ZC3H12A: variants seen among roughly 807,000 people sequenced by gnomAD.
ZC3H12A encodes the protein zinc finger CCCH-type containing 12A.
A neutral mutation model predicts 29.9 loss-of-function variants in ZC3H12A; 9 were observed. The ratio of observed to expected loss-of-function variants is 0.30; its 90% CI spans 0.18 to 0.53. The LOEUF (loss-of-function observed/expected upper bound fraction) is 0.53, where lower values mean the gene tolerates loss of function less well. ZC3H12A is among the 20% of genes least tolerant of loss of function. The pLI is 0.96. For synonymous variants in ZC3H12A, 323 were observed against 338.1 expected (o/e 0.96, Z 0.49); for missense variants, 617 against 799.0 (o/e 0.77, Z 2.75).
Position 37,475,716 on chromosome 1 carries a change from G to T in ZC3H12A, c.220G>T (p.Val74Phe). ...CCACAGCGTCCTGCAGAAGCTGGGC[G>T]TCCAGGCAGACACCAACACGGTGCT... ...EIHSVLQKLG[V>F]QADTNTVLGE... The change falls in exon 2 of 6, where the codon GTC becomes TTC. Residue 74 changes from valine (V) to phenylalanine (F), a missense_variant. Around this residue, in one of 5 missense-constraint regions of ZC3H12A, gnomAD observed 255 missense variants for 402.5 expected, o/e 0.63. Coordinates refer to ENST00000373087, the MANE Select transcript of ZC3H12A (RefSeq NM_025079.3). The surrounding 1 kb of genome is among the most constrained non-coding windows in gnomAD (Gnocchi z 5.2). 1 of 1,614,064 alleles carries T rather than the reference G, an allele frequency of 6.2e-7. No homozygotes were observed. Among genetic ancestry groups the T allele is most frequent in the Non-Finnish European group, 8.5e-7 (1 of 1,180,038 alleles).
At chr1:37,482,347 C>T (rs1217751554) in intron 4 of ZC3H12A, 87 bp from the exon 5 acceptor site, 1 of 1,193,722 alleles carries the variant, frequency 8.4e-7, no homozygotes, top group East Asian at 2.3e-5. Flanking sequence ...CTATTCTTCC[C>T]AGCAAGGCTT....
Position 37,478,495 on chromosome 1 carries a change from G to T in ZC3H12A, c.444-1795G>T, listed in dbSNP as rs1027714338. 6.6e-6 allele frequency among the ~76,000 whole-genome samples: 1 copy of T among 152,108 alleles called. No homozygotes were observed. Among genetic ancestry groups the T allele is most frequent in the Non-Finnish European group, 1.5e-5 (1 of 68,018 alleles). ...GCCAGGTGACCTTCCTTTCCTTCACGGTAGCAAGCCCTATAAGAATGAAGC... is the reference window on the plus strand; with the variant it reads ...GCCAGGTGACCTTCCTTTCCTTCACTGTAGCAAGCCCTATAAGAATGAAGC... On this transcript the variant is annotated intron_variant, in intron 2 of 5. Transcript: ENST00000373087. The surrounding 1 kb of genome is among the most constrained non-coding windows in gnomAD (Gnocchi z 5.2).
Position 37,479,866 on chromosome 1 carries a change from G to C in ZC3H12A, c.444-424G>C, listed in dbSNP as rs573290374. Reference sequence around the variant, plus strand: ...TGTGTACATCTGTCCCTGTGGTCCCGGCAGCTCGCCGGGTGGGGCAGGAAC... The same window carrying C: ...TGTGTACATCTGTCCCTGTGGTCCCCGCAGCTCGCCGGGTGGGGCAGGAAC... On this transcript the variant is annotated intron_variant, in intron 2 of 5. Coordinates refer to ENST00000373087, the MANE Select transcript of ZC3H12A (RefSeq NM_025079.3). The surrounding 1 kb of genome is among the most constrained non-coding windows in gnomAD (Gnocchi z 4.5). 2.0e-6 allele frequency: 2 copies of C among 1,004,328 alleles called. No homozygotes were observed. Among genetic ancestry groups the C allele is most frequent in the Non-Finnish European group, 2.4e-6 (2 of 840,876 alleles). The allele number at this position is 1,004,328 out of a possible 1,614,324, so 62.2% of individuals were successfully genotyped here. A position where few individuals can be genotyped will look rare whatever the true frequency, so the allele number is the denominator to read the frequency against.
At chr1:37,480,028 C>G in intron 2 of ZC3H12A, 1 of 1,206,876 alleles carries the variant, frequency 8.3e-7, no homozygotes, top group African/African-American at 1.5e-5. Flanking sequence ...GGGAAAGTCC[C>G]AGCGGGGCCT....
chr1:37,481,916 G>A, intron 4 of ZC3H12A, 81 bp downstream of exon 4: 1 of 1,454,530 alleles, frequency 6.9e-7, no homozygotes, highest in South Asian at 1.2e-5. Flanking sequence ...GTGGAGCTGG[G>A]GGCTGGGCTC....
rs563328219 is a variant in ZC3H12A, at chr1:37,483,164, G to T, written c.1353G>T (p.Trp451Cys). 3 of 1,613,510 alleles carry T rather than the reference G, an allele frequency of 1.9e-6. No individual in the cohort carries two copies. The highest frequency in any genetic ancestry group is 1.7e-5 in the Admixed American group (1 of 60,024). ...TGGAGAGCCAGATGTCGGAACTTTG[G>T]GGGGTTCGAGGAGGAGGCCCTGGTG... The part of the protein sequence containing the change: ...GSLESQMSEL[W>C]GVRGGGPGEP... Residue 451 changes from tryptophan to cysteine, a missense_variant, in exon 6 of 6, where the codon TGG (tryptophan) becomes TGT (cysteine). By Grantham distance (215) the Trp-to-Cys change is radical. This residue lies in a region of ZC3H12A where 172 missense variants were observed against 203.1 expected (regional missense o/e 0.85). Transcript: ENST00000373087.
rs773242661 is a variant in ZC3H12A at position 37,482,830 on chromosome 1, A to G, written c.1019A>G (p.Asn340Ser). ...QRSVADELRA[N>S]ALLSPPRAPS... The stretch of plus-strand genomic sequence containing the variant: ...TCTGTGGCAGATGAGCTCCGTGCCA[A>G]TGCTCTCCTCTCACCCCCCAGAGCC... The change falls in exon 6 of 6, where the codon AAT becomes AGT. Residue 340 changes from asparagine (N) to serine (S), a missense_variant. Asn to Ser is a conservative substitution (Grantham distance 46, BLOSUM62 1). Transcript: ENST00000373087. The G allele has an allele frequency of 9.3e-6, 15 of 1,613,884 alleles. 1 individual carries two copies. Among genetic ancestry groups the G allele is most frequent in the Middle Eastern group, 1.6e-4 (1 of 6,062 alleles).
chr1:37,478,715 CCA>C lies in ZC3H12A; in HGVS notation c.444-1572_444-1571del, dbSNP rs1224971382. 4 of 483,798 alleles carry C rather than the reference CCA, an allele frequency of 8.3e-6. No homozygotes were observed. The highest frequency in any genetic ancestry group is 1.0e-3 in the Middle Eastern group (1 of 968). 30.0% of individuals were successfully genotyped at this position (483,798 alleles called of 1,614,324 possible). A position where few individuals can be genotyped will look rare whatever the true frequency, so the allele number is the denominator to read the frequency against. ...TGGTGACTAAGCTGCCTTCTCTGGA[CCA>C]CAGTTTTCATCTGAAAAACAGGGAA... On this transcript the variant is annotated intron_variant, in intron 2 of 5. Coordinates refer to ENST00000373087, the MANE Select transcript of ZC3H12A (RefSeq NM_025079.3). The surrounding 1 kb of genome is among the most constrained non-coding windows in gnomAD (Gnocchi z 5.2).
chr1:37,481,676 G>A lies in ZC3H12A; in HGVS notation c.659G>A (p.Arg220Gln), dbSNP rs777264095. ...CCATCACGACGCGTGGGTGGCAAGC[G>A]GGTGGTGTGCTATGACGACAGATTC... Reference protein sequence around the residue: ...FTPSRRVGGKRVVCYDDRFIV... With the variant: ...FTPSRRVGGKQVVCYDDRFIV... The change falls in exon 4 of 6, where the codon CGG becomes CAG. Residue 220 changes from arginine to glutamine, a missense_variant. Physicochemically the swap from Arg to Gln is conservative, Grantham distance 43. Around this residue, in one of 5 missense-constraint regions of ZC3H12A, gnomAD observed 255 missense variants for 402.5 expected, o/e 0.63. Coordinates refer to ENST00000373087, the MANE Select transcript of ZC3H12A (RefSeq NM_025079.3). 6 of 1,614,120 alleles carry A rather than the reference G, an allele frequency of 3.7e-6. No individual in the cohort carries two copies. The highest frequency in any genetic ancestry group is 1.1e-5 in the South Asian group (1 of 91,092).
In ZC3H12A at chr1:37,478,752, G is replaced by A; in HGVS notation, c.444-1538G>A. The A allele has an allele frequency of 1.3e-6, 1 of 755,524 alleles. No homozygotes were observed. Among genetic ancestry groups the A allele is most frequent in the Non-Finnish European group, 1.6e-6 (1 of 619,988 alleles). 46.8% of individuals were successfully genotyped at this position (755,524 alleles called of 1,614,324 possible). On this transcript the variant is annotated intron_variant, in intron 2 of 5. Coordinates refer to ENST00000373087, the MANE Select transcript of ZC3H12A (RefSeq NM_025079.3). The surrounding 1 kb of genome is among the most constrained non-coding windows in gnomAD (Gnocchi z 5.2). ...TCTGAAAAACAGGGAAGGAGTTGAT[G>A]ATGGTATAGTGCCCTCCTCACAAGC... is the stretch of plus-strand genomic sequence containing the variant.
intron 4 of ZC3H12A, 91 bp downstream of exon 4, chr1:37,481,926 C>T (rs1293159293): frequency 7.5e-7 from 1 of 1,332,068 alleles, no homozygotes; most frequent in Admixed American, 2.0e-5. Context: ...GGGCTGGGCT[C>T]TGCGGGGCCC....
intron 3 of ZC3H12A, among the ~76,000 whole-genome samples, chr1:37,480,804 T>C (rs1641686125): frequency 6.6e-6 from 1 of 150,874 alleles, no homozygotes. Flanking sequence ...GGACCCCTCT[T>C]AGCCCTGCTC....
rs1208900142 is a variant in ZC3H12A, at chr1:37,483,554, C to A, written c.1743C>A (p.Asp581Glu). ...TGGGGCGCTTCCCACAGCTCCTGGACCCCCAGCAGCTGGCTGCCGAGATCC... is the reference window on the plus strand; with the variant it reads ...TGGGGCGCTTCCCACAGCTCCTGGAACCCCAGCAGCTGGCTGCCGAGATCC... ...AVMGRFPQLL[D>E]PQQLAAEILS... The change falls in exon 6 of 6, where the codon GAC becomes GAA. Residue 581 changes from aspartate (D) to glutamate (E), a missense_variant. Physicochemically the swap from Asp to Glu is conservative, Grantham distance 45. This residue lies in a region of ZC3H12A where 172 missense variants were observed against 203.1 expected (regional missense o/e 0.85). Transcript: ENST00000373087. 1 of 1,613,162 alleles carries A rather than the reference C, an allele frequency of 6.2e-7. No homozygotes were observed. The highest frequency in any genetic ancestry group is 1.3e-5 in the African/African-American group (1 of 74,930).
At position 37,482,878 on chromosome 1, in the gene ZC3H12A, G is replaced by A. The variant is rs200637185; in HGVS notation, c.1067G>A (p.Arg356Gln). The A allele has an allele frequency of 6.2e-5, 100 of 1,613,894 alleles. No homozygotes were observed. Among genetic ancestry groups the A allele is most frequent in the African/African-American group, 4.7e-4 (35 of 75,044 alleles). Residue 356 changes from arginine to glutamine, a missense_variant, in exon 6 of 6, where the codon CGG becomes CAG. Physicochemically the swap from Arg to Gln is conservative, Grantham distance 43. This residue lies in a region of ZC3H12A where 115 missense variants were observed against 112.5 expected (regional missense o/e 1.02). Transcript: ENST00000373087. ...PRAPSKDKNG[R>Q]RPSPSSQSSS... ...GCCCCAAGCAAGGACAAAAATGGCC[G>A]GCGGCCTTCACCTTCATCCCAGTCC...
Position 37,483,482 on chromosome 1 carries a change from T to C in ZC3H12A, c.1671T>C (p.Tyr557=), listed in dbSNP as rs200242986. The C allele has an allele frequency of 1.7e-5, 27 of 1,613,992 alleles. No individual in the cohort carries two copies. In the East Asian group the frequency reaches 5.3e-4, roughly 32 times the overall value. Residue 557 remains tyrosine, a synonymous_variant, in exon 6 of 6, where the codon TAT becomes TAC. Coordinates refer to ENST00000373087, the MANE Select transcript of ZC3H12A (RefSeq NM_025079.3). ...TGGCCAAGGAGCAGGCCAGCGTGTATACTAAGCTGTGTGGTGTGTTTCCCC... is the reference window on the plus strand; with the variant it reads ...TGGCCAAGGAGCAGGCCAGCGTGTACACTAAGCTGTGTGGTGTGTTTCCCC... ...GSLAKEQASV[Y]TKLCGVFPPH... is the part of the protein sequence containing the mutation.
chr1:37,475,557 G>C lies in ZC3H12A; in HGVS notation c.61G>C (p.Glu21Gln), dbSNP rs990324099. 1.2e-6 allele frequency: 2 copies of C among 1,613,832 alleles called. No homozygotes were observed. Among genetic ancestry groups the C allele is most frequent in the East Asian group, 4.5e-5 (2 of 44,892 alleles). ...AGCCAGCCCCACCATGAGTCTGTGG[G>C]AATTTGAGGACAGCCACAGCCGTCA... is the stretch of plus-strand genomic sequence containing the variant. ...LEASPTMSLW[E>Q]FEDSHSRQGT... The change falls in exon 2 of 6, where the codon GAA becomes CAA. Residue 21 changes from glutamate (E) to glutamine (Q), a missense_variant. Glu to Gln is a conservative substitution (Grantham distance 29). Around this residue, in one of 5 missense-constraint regions of ZC3H12A, gnomAD observed 67 missense variants for 56.2 expected, o/e 1.19. Coordinates refer to ENST00000373087, the MANE Select transcript of ZC3H12A (RefSeq NM_025079.3). The surrounding 1 kb of genome is among the most constrained non-coding windows in gnomAD (Gnocchi z 5.2).
intron 3 of ZC3H12A, 83 bp from the exon 4 acceptor site, chr1:37,481,518 G>T: frequency 1.5e-6 from 2 of 1,365,384 alleles, no homozygotes; most frequent in Non-Finnish European, 1.0e-6. Flanking sequence ...TCCTGTGTGT[G>T]GCCATCAGCA....
intron 2 of ZC3H12A, among the ~76,000 whole-genome samples, chr1:37,477,584 C>T (rs1286756592): frequency 1.3e-5 from 2 of 152,200 alleles, no homozygotes; most frequent in Non-Finnish European, 2.9e-5. Flanking sequence ...TTCCACTCGC[C>T]AGGCCCAGCC....
rs746897159 is a variant in ZC3H12A, at chr1:37,480,270, C to T, written c.444-20C>T. 21 of 1,607,782 alleles carry T rather than the reference C, an allele frequency of 1.3e-5. No homozygotes were observed. Among genetic ancestry groups the T allele is most frequent in the Middle Eastern group, 1.7e-4 (1 of 6,022 alleles). On this transcript the variant is annotated intron_variant, in intron 2 of 5. Transcript: ENST00000373087. ...CAGGCTGGCCATCAGTGTGGGCTAA[C>T]CCTGTCCTCTCCCTCCCAGCCATGG...
Sources: gnomAD v4.1 joint callset for allele counts (sites outside exome capture counted in the v4.1 genomes callset) on GRCh38, gnomAD v4.1.1 for gene constraint, gnomAD v4.1.1 regional missense constraint, Gnocchi (gnomAD v3.1) non-coding constraint, MANE v1.5 for transcripts, NCBI Gene and HGNC (gene_info 2026-07-23, HGNC 2026-07-21) for gene names.